DLG1: variants seen among roughly 807,000 people sequenced by gnomAD.
The protein encoded by DLG1 is disks large homolog 1.
A neutral mutation model predicts 123.4 loss-of-function variants in DLG1; 42 were observed. The ratio of observed to expected loss-of-function variants is 0.34; its 90% CI spans 0.27 to 0.44. The LOEUF (loss-of-function observed/expected upper bound fraction) is 0.44. Among genes scored for constraint, DLG1 ranks in the 20% least tolerant of loss-of-function variants. DLG1 has a pLI of 1.00. For synonymous variants in DLG1, 317 were observed against 356.2 expected, an observed-to-expected ratio of 0.89 and a Z score of 1.24; for missense variants, 942 against 1,082.6, an observed-to-expected ratio of 0.87 and a Z score of 1.82.
chr3:197,244,337 C>A (rs998909578), intron 4 of DLG1, among the ~76,000 whole-genome samples: 1 of 152,166 alleles, frequency 6.6e-6, no homozygotes, highest in Non-Finnish European at 1.5e-5. Context: ...GAGGACCATT[C>A]GAGTGGAAAG....
intron 11 of DLG1, among the ~76,000 whole-genome samples, chr3:197,123,621 TGAG>T (rs1213997780): frequency 6.6e-6 from 1 of 152,222 alleles, no homozygotes; most frequent in African/African-American, 2.4e-5. Flanking sequence ...CAAGGGTTGG[TGAG>T]GATGTAGAAA....
At chr3:197,091,264 T>C (rs1578969498) in intron 14 of DLG1, among the ~76,000 whole-genome samples, 2 of 152,044 alleles carry the variant, frequency 1.3e-5, no homozygotes, top group African/African-American at 4.8e-5. Context: ...TCTTTTAAAG[T>C]TTATACCACA....
rs1378560432 is a variant in DLG1 at position 197,256,407 on chromosome 3, G to A, written c.318+26272C>T. On this transcript the variant is annotated intron_variant, in intron 4 of 24. Transcript: ENST00000667157. ...AGAACTATAATAGCCTTTGTTTTCC[G>A]TGTTTATTTTCTACAGTACTTCACA... is the stretch of plus-strand genomic sequence containing the variant. 2.0e-5 allele frequency among the ~76,000 whole-genome samples: 3 copies of A among 152,218 alleles called. No homozygotes were observed. The South Asian group carries it at 6.2e-4, about 31-fold the overall frequency.
intron 4 of DLG1, among the ~76,000 whole-genome samples, chr3:197,243,354 G>A (rs546404743): frequency 3.9e-5 from 6 of 152,226 alleles, no homozygotes; most frequent in South Asian, 2.1e-4. Flanking sequence ...AAGGAAAAGG[G>A]GGGTGAAACC....
chr3:197,049,746 C>G (rs1026314962), intron 24 of DLG1, among the ~76,000 whole-genome samples: 2 of 151,668 alleles, frequency 1.3e-5, no homozygotes, highest in African/African-American at 4.8e-5. Context: ...AACTCCATCT[C>G]CAAAAACAAA....
At chr3:197,074,545 C>A (rs990164139) in intron 18 of DLG1, among the ~76,000 whole-genome samples, 1 of 151,988 alleles carries the variant, frequency 6.6e-6, no homozygotes, top group African/African-American at 2.4e-5. Flanking sequence ...TCCATACCAC[C>A]TCTAAAGTAT....
chr3:197,217,280 G>T (rs541061259), intron 4 of DLG1, among the ~76,000 whole-genome samples: 6 of 152,268 alleles, frequency 3.9e-5, no homozygotes, highest in South Asian at 2.1e-4. Flanking sequence ...CAAAAATAAA[G>T]AATTAAATGG....
chr3:197,216,888 C>A (rs1488884290), intron 4 of DLG1, among the ~76,000 whole-genome samples: 1 of 152,164 alleles, frequency 6.6e-6, no homozygotes, highest in Non-Finnish European at 1.5e-5. Flanking sequence ...AGATATTTTA[C>A]AACTACTAGC....
At chr3:197,064,828 C>G (rs1402354050) in intron 22 of DLG1, among the ~76,000 whole-genome samples, 1 of 150,804 alleles carries the variant, frequency 6.6e-6, no homozygotes, top group Non-Finnish European at 1.5e-5. Flanking sequence ...TTTTTAAGAG[C>G]CAGGGTCTTG....
chr3:197,181,512 C>T (rs1320546928), intron 5 of DLG1, among the ~76,000 whole-genome samples: 1 of 152,082 alleles, frequency 6.6e-6, no homozygotes, highest in Non-Finnish European at 1.5e-5. Flanking sequence ...AGCCATGAGT[C>T]AGTAAGTGCA....
Position 197,090,951 on chromosome 3 carries a change from C to A in DLG1, c.1622G>T (p.Gly541Val). ...TCGCTTCTGGCTAGTTCGAAGAGAA[C>A]CTGACCCTGAACTAATACTACTATT... ...MMNSSISSGSGSLRTSQKRSL... is the reference protein window; with the variant it reads ...MMNSSISSGSVSLRTSQKRSL... The change falls in exon 15 of 25, where the codon GGT becomes GTT. Residue 541 changes from glycine (G) to valine (V), a missense_variant. Gly to Val is a moderately radical substitution (Grantham distance 109, BLOSUM62 -3). Transcript: ENST00000667157. The A allele has an allele frequency of 6.2e-7, 1 of 1,611,568 alleles. No individual in the cohort carries two copies. The highest frequency in any genetic ancestry group is 1.3e-5 in the African/African-American group (1 of 74,932).
At chr3:197,136,772 A>G in intron 9 of DLG1, 94 bp from the exon 10 acceptor site, 1 of 1,075,796 alleles carries the variant, frequency 9.3e-7, no homozygotes, top group Non-Finnish European at 1.3e-6. Context: ...ATTCCCTCAC[A>G]CTAATATTTT....
intron 23 of DLG1, among the ~76,000 whole-genome samples, chr3:197,059,132 G>A (rs1024803236): frequency 1.3e-5 from 2 of 152,092 alleles, no homozygotes; most frequent in South Asian, 2.1e-4. Flanking sequence ...TCACCGTGTT[G>A]GCCAGGATGG....
intron 4 of DLG1, among the ~76,000 whole-genome samples, chr3:197,237,462 G>T (rs1397846002): frequency 6.6e-6 from 1 of 152,182 alleles, no homozygotes; most frequent in Non-Finnish European, 1.5e-5. Context: ...GGGCAGCCTA[G>T]CAAGATACAA....
chr3:197,250,032 T>G (rs1753606823), intron 4 of DLG1, among the ~76,000 whole-genome samples: 1 of 152,216 alleles, frequency 6.6e-6, no homozygotes, highest in South Asian at 2.1e-4. Flanking sequence ...TCACCGCTTT[T>G]ATTTCATATA....
At chr3:197,219,285 C>T (rs1322519523) in intron 4 of DLG1, among the ~76,000 whole-genome samples, 1 of 152,158 alleles carries the variant, frequency 6.6e-6, no homozygotes, top group African/African-American at 2.4e-5. Context: ...GAAGCAGAGG[C>T]TACAATGACT....
intron 4 of DLG1, among the ~76,000 whole-genome samples, chr3:197,220,559 C>G (rs1223883386): frequency 2.0e-5 from 3 of 152,134 alleles, no homozygotes; most frequent in Non-Finnish European, 4.4e-5. Flanking sequence ...GGGGCCACTG[C>G]TATCAGCAAA....
intron 6 of DLG1, among the ~76,000 whole-genome samples, chr3:197,147,807 C>A (rs1791687237): frequency 6.7e-6 from 1 of 149,892 alleles, no homozygotes; most frequent in Non-Finnish European, 1.5e-5. Context: ...TCCCTAAAAA[C>A]TTACTGAAAT....
chr3:197,256,498 C>T (rs574810155), intron 4 of DLG1, among the ~76,000 whole-genome samples: 60 of 152,350 alleles, frequency 3.9e-4, no homozygotes, highest in Non-Finnish European at 7.2e-4. Flanking sequence ...CCTCCACTCA[C>T]GGTGAAAAAC....
Sources: gnomAD v4.1 joint callset for allele counts (sites outside exome capture counted in the v4.1 genomes callset) on GRCh38, gnomAD v4.1.1 for gene constraint, MANE v1.5 for transcripts, NCBI Gene and HGNC (gene_info 2026-07-23, HGNC 2026-07-21) for gene names.